The following RBKS variants were observed in gnomAD, a reference collection of about 807,000 sequenced individuals.
RBKS encodes the protein ribokinase.
A neutral mutation model predicts 33.9 loss-of-function variants in RBKS; 33 were observed. The observed-to-expected ratio is 0.97, with a 90% CI of 0.74 to 1.30. The LOEUF (loss-of-function observed/expected upper bound fraction) is 1.30. RBKS is among the 50% of genes most tolerant of loss of function. RBKS has a pLI of 0.00. For synonymous variants in RBKS, 125 were observed against 143.0 expected (o/e 0.87, Z 0.90); for missense variants, 361 against 392.6 (o/e 0.92, Z 0.68).
chr2:27,832,250 G>T (rs1678432187), intron 6 of RBKS, among the ~76,000 whole-genome samples: 1 of 152,160 alleles, frequency 6.6e-6, no homozygotes, highest in Non-Finnish European at 1.5e-5. Flanking sequence ...AGTTAAATTT[G>T]AATTTAAGAT....
intron 1 of RBKS, among the ~76,000 whole-genome samples, chr2:27,865,940 T>C (rs1355037418): frequency 2.0e-5 from 3 of 152,228 alleles, no homozygotes; most frequent in Admixed American, 6.5e-5. Flanking sequence ...TAATTTTAAA[T>C]GTCAATTGCC....
intron 1 of RBKS, among the ~76,000 whole-genome samples, chr2:27,862,203 G>A (rs778429859): frequency 1.3e-5 from 2 of 151,988 alleles, no homozygotes; most frequent in Non-Finnish European, 2.9e-5. Flanking sequence ...TCCTGCCTCG[G>A]CCTCCCAAAG....
chr2:27,809,578 T>G (rs1677954480), intron 7 of RBKS: 3 of 191,672 alleles, frequency 1.6e-5, no homozygotes, highest in Non-Finnish European at 3.3e-5. Context: ...AAGGTTGGCC[T>G]TTTGCCTTTT....
At chr2:27,821,434 A>T (rs914183514) in intron 7 of RBKS, among the ~76,000 whole-genome samples, 8 of 152,118 alleles carry the variant, frequency 5.3e-5, no homozygotes, top group Admixed American at 3.3e-4. Flanking sequence ...AATATTGCAA[A>T]TATTCAAATT....
intron 1 of RBKS, among the ~76,000 whole-genome samples, chr2:27,878,874 G>C (rs1250701955): frequency 6.6e-6 from 1 of 152,098 alleles, no homozygotes; most frequent in Non-Finnish European, 1.5e-5. Context: ...TTTTTGATGG[G>C]GTTGTTCTGG....
chr2:27,818,930 C>T (rs905854605), intron 7 of RBKS, among the ~76,000 whole-genome samples: 7 of 152,128 alleles, frequency 4.6e-5, no homozygotes, highest in Admixed American at 3.9e-4. Flanking sequence ...TACAGCTAAA[C>T]CATATGCAAA....
At chr2:27,875,872 A>C (rs1228640917) in intron 1 of RBKS, among the ~76,000 whole-genome samples, 1 of 152,192 alleles carries the variant, frequency 6.6e-6, no homozygotes, top group Non-Finnish European at 1.5e-5. Context: ...CTTAGACATG[A>C]CAGATATACA....
intron 7 of RBKS, among the ~76,000 whole-genome samples, chr2:27,793,816 T>TG (rs1677584418): frequency 6.6e-6 from 1 of 152,096 alleles, no homozygotes; most frequent in Non-Finnish European, 1.5e-5. Flanking sequence ...CCTGAAGTAT[T>TG]AAGAGGTAGA....
In RBKS at chr2:27,858,543, C is replaced by A; in HGVS notation, c.118G>T (p.Glu40Ter). 6.2e-7 allele frequency: 1 copy of A among 1,613,812 alleles called. No homozygotes were observed. Among genetic ancestry groups the A allele is most frequent in the Non-Finnish European group, 8.5e-7 (1 of 1,179,920 alleles). ...SLTSRLPKTG[E>*]TIHGHKFFIG... ...AAAAACTTATGTCCATGGATGGTTT[C>A]TCCAGTTTTTGGCAAACGAGAAGTA... The change falls in exon 2 of 8, where the codon GAA becomes TAA. Residue 40 changes from glutamate (E) to a stop codon, truncating the protein, a stop_gained. Coordinates refer to ENST00000302188, the MANE Select transcript of RBKS (RefSeq NM_022128.3). LOFTEE classifies it high-confidence loss of function.
intron 7 of RBKS, among the ~76,000 whole-genome samples, chr2:27,811,680 C>T (rs1203536317): frequency 6.6e-6 from 1 of 152,156 alleles, no homozygotes; most frequent in African/African-American, 2.4e-5. Context: ...AAACAGAAGC[C>T]TTATTACTAT....
rs1204534259 is a variant in RBKS, at chr2:27,890,078, A to C, written c.89+179T>G. 2 of 584,862 alleles carry C rather than the reference A, an allele frequency of 3.4e-6. No individual in the cohort carries two copies. The highest frequency in any genetic ancestry group is 3.8e-5 in the African/African-American group (2 of 53,260). The allele number at this position is 584,862 out of a possible 1,614,324, so 36.2% of individuals were successfully genotyped here. On this transcript the variant is annotated intron_variant, in intron 1 of 7. Coordinates refer to ENST00000302188, the MANE Select transcript of RBKS (RefSeq NM_022128.3). This position sits in a 1 kb window ranked among gnomAD's most constrained non-coding sequence, Gnocchi z 4.8. ...CCCCTCCCCTGAGATTTACCTTTAT[A>C]TACTCAAGTTCTTTCATGCCAGGAA...
intron 7 of RBKS, among the ~76,000 whole-genome samples, chr2:27,816,605 G>T (rs4493211): frequency 0.28 from 40,967 of 145,742 alleles, 6,470 homozygotes; most frequent in East Asian, 0.63. Flanking sequence ...AAGGATATGT[G>T]TTTTTTTGTT....
intron 7 of RBKS, among the ~76,000 whole-genome samples, chr2:27,788,572 T>C (rs888954719): frequency 2.0e-5 from 3 of 152,132 alleles, no homozygotes; most frequent in African/African-American, 7.2e-5. Flanking sequence ...CTGGGCATGG[T>C]GGCAGGCACC....
chr2:27,841,776 TTTC>T (rs1270221636), intron 5 of RBKS, among the ~76,000 whole-genome samples: 1 of 134,250 alleles, frequency 7.4e-6, no homozygotes, highest in African/African-American at 2.7e-5. Context: ...CTTTTTCTTT[TTTC>T]TTTTTAGTTT....
chr2:27,853,211 A>T (rs899733850), intron 2 of RBKS, among the ~76,000 whole-genome samples: 3 of 151,892 alleles, frequency 2.0e-5, no homozygotes, highest in Admixed American at 1.3e-4. Context: ...ACAAAAAATT[A>T]AAAAATTAGC....
At chr2:27,811,289 G>C (rs574129318) in intron 7 of RBKS, among the ~76,000 whole-genome samples, 1 of 152,322 alleles carries the variant, frequency 6.6e-6, no homozygotes, top group Non-Finnish European at 1.5e-5. Flanking sequence ...TAGATTCCAA[G>C]CTCTTTGTGG....
intron 7 of RBKS, among the ~76,000 whole-genome samples, chr2:27,791,876 G>A (rs2148183897): frequency 6.6e-6 from 1 of 152,074 alleles, no homozygotes; most frequent in South Asian, 2.1e-4. Flanking sequence ...AAATACTCTA[G>A]GTTATGATTA....
Position 27,843,181 on chromosome 2 carries a change from C to T in RBKS, c.400G>A (p.Glu134Lys), listed in dbSNP as rs1271995691. The T allele has an allele frequency of 6.2e-7, 1 of 1,612,708 alleles. No homozygotes were observed. Among genetic ancestry groups the T allele is most frequent in the Non-Finnish European group, 8.5e-7 (1 of 1,179,366 alleles). The change falls in exon 5 of 8, where the codon GAG (glutamate) becomes AAG (lysine). Residue 134 changes from glutamate to lysine, a missense_variant. Glu to Lys is a moderately conservative substitution (Grantham distance 56). Transcript: ENST00000302188. ...ACATTGGCTGCTGCCCTCAGATCCT[C>T]CGTATTCAAAAGTAAATTTGCTCCA... The part of the protein sequence containing the change: ...VAGANLLLNT[E>K]DLRAAANVIS...
chr2:27,861,627 C>T (rs1663985823), intron 1 of RBKS: 2 of 460,384 alleles, frequency 4.3e-6, no homozygotes, highest in South Asian at 1.6e-5. Flanking sequence ...GAAAATAATT[C>T]ACGGAATAAG....
Sources: allele counts gnomAD v4.1 joint callset (sites outside exome capture counted in the v4.1 genomes callset), GRCh38; gene constraint gnomAD v4.1.1; non-coding constraint Gnocchi (gnomAD v3.1); transcripts MANE v1.5; gene names NCBI Gene and HGNC (gene_info 2026-07-23, HGNC 2026-07-21).